PRKG1: variants seen among roughly 807,000 people sequenced by gnomAD.
PRKG1 encodes the protein protein kinase cGMP-dependent 1, also known as cGMP-dependent protein kinase 1.
A neutral mutation model predicts 88.1 loss-of-function variants in PRKG1; 35 were observed. That is an observed-to-expected ratio of 0.40 (90% CI 0.30 to 0.53). The LOEUF (loss-of-function observed/expected upper bound fraction) is 0.53. Ranked by LOEUF, PRKG1 falls within the 20% of genes least tolerant of loss-of-function variation. The probability of loss-of-function intolerance (pLI) is 0.59; values close to 1 mark genes in which losing one functional copy is unlikely to be tolerated. For missense variants in PRKG1, 540 were observed against 839.8 expected (o/e 0.64, Z 4.41); for synonymous variants, 303 against 292.5 (o/e 1.04, Z -0.37).
At chr10:51,157,900 A>G (rs1350088938) in intron 2 of PRKG1, among the ~76,000 whole-genome samples, 1 of 151,860 alleles carries the variant, frequency 6.6e-6, no homozygotes, top group African/African-American at 2.4e-5. Flanking sequence ...GATATACAAT[A>G]GTTGTAAGTA....
At chr10:52,192,798 C>T (rs1839399441) in intron 9 of PRKG1, among the ~76,000 whole-genome samples, 1 of 151,864 alleles carries the variant, frequency 6.6e-6, no homozygotes. Flanking sequence ...TTAGAAATTC[C>T]TTTCTTATAT....
intron 1 of PRKG1, among the ~76,000 whole-genome samples, chr10:51,013,889 G>A (rs927446848): frequency 6.6e-5 from 10 of 152,040 alleles, no homozygotes; most frequent in Non-Finnish European, 1.3e-4. Flanking sequence ...CAACAACTGA[G>A]CACTATTTGT....
chr10:51,338,206 C>T (rs1201513008), intron 2 of PRKG1, among the ~76,000 whole-genome samples: 1 of 152,062 alleles, frequency 6.6e-6, no homozygotes, highest in East Asian at 1.9e-4. Context: ...ACACTGGGGC[C>T]TGTTGGGCAG....
At chr10:51,489,723 G>A (rs1243166038) in intron 3 of PRKG1, among the ~76,000 whole-genome samples, 1 of 152,178 alleles carries the variant, frequency 6.6e-6, no homozygotes, top group African/African-American at 2.4e-5. Flanking sequence ...GTGCACATGT[G>A]ATGAGAGGTG....
At chr10:51,511,118 T>C (rs1564528906) in intron 3 of PRKG1, among the ~76,000 whole-genome samples, 2 of 152,138 alleles carry the variant, frequency 1.3e-5, no homozygotes, top group South Asian at 2.1e-4. Flanking sequence ...TGAGCTGAAA[T>C]ATACTATTTA....
At chr10:51,986,737 G>A (rs936627358) in intron 5 of PRKG1, among the ~76,000 whole-genome samples, 1 of 152,174 alleles carries the variant, frequency 6.6e-6, no homozygotes, top group Non-Finnish European at 1.5e-5. Flanking sequence ...CTGCAGTGAT[G>A]TCTCACATGC....
chr10:52,036,150 A>G (rs1263526045), intron 5 of PRKG1, among the ~76,000 whole-genome samples: 5 of 152,072 alleles, frequency 3.3e-5, no homozygotes, highest in African/African-American at 1.2e-4. Flanking sequence ...AGTACAGCCT[A>G]GGTAACTTGC....
At chr10:51,580,280 G>T (rs893727887) in intron 3 of PRKG1, among the ~76,000 whole-genome samples, 2 of 152,016 alleles carry the variant, frequency 1.3e-5, no homozygotes, top group South Asian at 4.2e-4. Context: ...GCAGTTTGTT[G>T]ATCTTTACTT....
intron 3 of PRKG1, among the ~76,000 whole-genome samples, chr10:51,761,136 A>G (rs1426922961): frequency 1.3e-5 from 2 of 152,182 alleles, no homozygotes; most frequent in East Asian, 1.9e-4. Flanking sequence ...AAAAAGATCA[A>G]CAGGAACCCA....
At chr10:52,224,836 T>TATATATACATAC (rs1457134141) in intron 9 of PRKG1, among the ~76,000 whole-genome samples, 1 of 89,848 alleles carries the variant, frequency 1.1e-5, no homozygotes, top group African/African-American at 3.6e-5. Flanking sequence ...TATATATATA[T>TATATATACATAC]ATACATACAT....
chr10:51,704,274 T>G (rs931051435), intron 3 of PRKG1, among the ~76,000 whole-genome samples: 2 of 152,028 alleles, frequency 1.3e-5, no homozygotes, highest in Non-Finnish European at 2.9e-5. Context: ...GATAGATAGA[T>G]ATTTTGTTTT....
intron 8 of PRKG1, among the ~76,000 whole-genome samples, chr10:52,144,005 T>C (rs1378850446): frequency 1.3e-5 from 2 of 152,134 alleles, no homozygotes; most frequent in African/African-American, 4.8e-5. Flanking sequence ...ATAAAATACT[T>C]GGGGAACATT....
intron 3 of PRKG1, among the ~76,000 whole-genome samples, chr10:51,700,833 T>C (rs1841446683): frequency 6.6e-6 from 1 of 152,230 alleles, no homozygotes; most frequent in African/African-American, 2.4e-5. Context: ...TTTTTTAGTA[T>C]TTAGAACAAC....
chr10:51,049,508 A>G (rs1009366044), intron 1 of PRKG1, among the ~76,000 whole-genome samples: 4 of 152,156 alleles, frequency 2.6e-5, no homozygotes, highest in Admixed American at 2.6e-4. Flanking sequence ...AACAATATTC[A>G]TTTATTCACA....
At chr10:52,097,230 C>T in intron 7 of PRKG1, among the ~76,000 whole-genome samples, 1 of 146,574 alleles carries the variant, frequency 6.8e-6, no homozygotes, top group African/African-American at 2.5e-5. Context: ...TAGTTAATAA[C>T]TCATTTTTGA....
intron 1 of PRKG1, among the ~76,000 whole-genome samples, chr10:51,138,681 T>TTTTG (rs1845749574): frequency 7.9e-6 from 1 of 126,440 alleles, no homozygotes; most frequent in African/African-American, 2.9e-5. Flanking sequence ...TTTTGTTTTT[T>TTTTG]TTTTTTTTTT....
At chr10:52,024,284 CTTAT>C (rs1176427761) in intron 5 of PRKG1, among the ~76,000 whole-genome samples, 3 of 149,190 alleles carry the variant, frequency 2.0e-5, no homozygotes, top group Admixed American at 6.7e-5. Context: ...AACTACTTTA[CTTAT>C]TTATTTATTC....
intron 1 of PRKG1, among the ~76,000 whole-genome samples, chr10:51,000,930 A>T (rs913498267): frequency 6.6e-6 from 1 of 152,126 alleles, no homozygotes; most frequent in African/African-American, 2.4e-5. Flanking sequence ...TTCTCTCTGT[A>T]TCTGTGTTTG....
chr10:51,845,647 T>C (rs1479859258), intron 4 of PRKG1, among the ~76,000 whole-genome samples: 1 of 152,158 alleles, frequency 6.6e-6, no homozygotes, highest in East Asian at 1.9e-4. Context: ...TCTCCAGACT[T>C]TTTTTATGTG....
Sources: allele counts gnomAD v4.1 joint callset (sites outside exome capture counted in the v4.1 genomes callset), GRCh38; gene constraint gnomAD v4.1.1; transcripts MANE v1.5; gene names NCBI Gene and HGNC (gene_info 2026-07-23, HGNC 2026-07-21).